Variants in LRP1B observed in about 807,000 individuals in gnomAD.
LRP1B encodes low-density lipoprotein receptor-related protein 1B.
In LRP1B, 217 loss-of-function variants were observed where a neutral mutation model predicts 556.6. The ratio of observed to expected loss-of-function variants is 0.39; its 90% CI spans 0.35 to 0.44. LRP1B has a LOEUF of 0.44. Among genes scored for constraint, LRP1B ranks in the 20% least tolerant of loss-of-function variants. LRP1B has a pLI of 1.00. For missense variants in LRP1B, 5,053 were observed against 5,620.8 expected (o/e 0.90, Z 3.23); for synonymous variants, 2,047 against 1,865.8 (o/e 1.10, Z -2.50).
At chr2:141,572,782 G>A (rs1010170621) in intron 2 of LRP1B, among the ~76,000 whole-genome samples, 6 of 152,000 alleles carry the variant, frequency 3.9e-5, no homozygotes, top group Non-Finnish European at 8.8e-5. Context: ...AACAAAAAAA[G>A]CAGGGGTTGC....
intron 3 of LRP1B, among the ~76,000 whole-genome samples, chr2:141,271,774 A>C (rs1685101537): frequency 6.6e-6 from 1 of 151,216 alleles, no homozygotes; most frequent in Admixed American, 6.6e-5. Flanking sequence ...ACCATATGAA[A>C]AAAAAAAAAA....
In LRP1B at chr2:141,590,976, T is replaced by C. The variant is rs563778303; in HGVS notation, c.206-110443A>G. Among the ~76,000 whole-genome samples the C allele has an allele frequency of 6.6e-5, 10 of 152,318 alleles. No homozygotes were observed. The South Asian group carries it at 2.1e-3, about 32-fold the overall frequency. ...AAAGTCTTTGACAAGTTTTCCTCTT[T>C]CTTTGCCTCCTTGGCTGTTTTTGAA... is the stretch of plus-strand genomic sequence containing the variant. On this transcript the variant is annotated intron_variant, in intron 2 of 90. Coordinates refer to ENST00000389484, the MANE Select transcript of LRP1B (RefSeq NM_018557.3).
rs1684474250 is a variant in LRP1B at position 140,315,327 on chromosome 2, A to G, written c.12641-228T>C. ...AATGTGTATTCTTCTTTAAATTTAA[A>G]GCATTATTAACCTTTTCTTGTATTT... is the stretch of plus-strand genomic sequence containing the variant. On this transcript the variant is annotated intron_variant, in intron 82 of 90. Coordinates refer to ENST00000389484, the MANE Select transcript of LRP1B (RefSeq NM_018557.3). Among the ~76,000 whole-genome samples the G allele has an allele frequency of 3.9e-5, 6 of 152,246 alleles. No individual in the cohort carries two copies. The South Asian group carries it at 1.0e-3, about 26-fold the overall frequency.
chr2:140,356,641 T>C (rs1256074352), intron 74 of LRP1B, among the ~76,000 whole-genome samples, 165 bp from the exon 75 acceptor site: 4 of 151,840 alleles, frequency 2.6e-5, no homozygotes, highest in African/African-American at 9.7e-5. Flanking sequence ...GTCTTATAAA[T>C]GTATAGAAGT....
rs529308032 is a variant in LRP1B at position 141,293,008 on chromosome 2, G to A, written c.344-38367C>T. 9.4e-4 allele frequency among the ~76,000 whole-genome samples: 143 copies of A among 152,162 alleles called. 1 individual carries two copies. The highest frequency in any genetic ancestry group is 1.7e-3 in the Non-Finnish European group (115 of 67,938). On this transcript the variant is annotated intron_variant, in intron 3 of 90. Transcript: ENST00000389484. The stretch of plus-strand genomic sequence containing the variant: ...GGAATGGAATATATGGATATTCTAC[G>A]TACTATCTTCTCAATTTTCCTCCTT...
intron 82 of LRP1B, among the ~76,000 whole-genome samples, chr2:140,319,003 C>T (rs78473479): frequency 0.021 from 3,206 of 152,064 alleles, 41 homozygotes; most frequent in African/African-American, 0.028. Context: ...GACCAAGGGA[C>T]GCAGGTATAG....
intron 32 of LRP1B, among the ~76,000 whole-genome samples, chr2:140,790,244 T>C (rs2104984307): frequency 6.6e-6 from 1 of 152,238 alleles, no homozygotes; most frequent in South Asian, 2.1e-4. Flanking sequence ...CTGCTCAATA[T>C]TCTGGTGGAA....
intron 60 of LRP1B, among the ~76,000 whole-genome samples, chr2:140,460,562 C>A (rs1362711273): frequency 6.6e-6 from 1 of 151,950 alleles, no homozygotes; most frequent in Non-Finnish European, 1.5e-5. Flanking sequence ...CTGCAGTTGT[C>A]TATATAAAAC....
chr2:141,472,614 T>C (rs1002835311), intron 3 of LRP1B, among the ~76,000 whole-genome samples: 2 of 152,142 alleles, frequency 1.3e-5, no homozygotes, highest in Admixed American at 6.6e-5. Context: ...TGAAGATCCA[T>C]AATGCACCAG....
chr2:141,277,598 A>C (rs2105380610), intron 3 of LRP1B, among the ~76,000 whole-genome samples: 1 of 152,262 alleles, frequency 6.6e-6, no homozygotes, highest in Non-Finnish European at 1.5e-5. Flanking sequence ...AATAAAAGAT[A>C]GCAGATTATA....
intron 10 of LRP1B, among the ~76,000 whole-genome samples, chr2:141,050,778 A>C (rs1699014369): frequency 6.6e-6 from 1 of 152,160 alleles, no homozygotes; most frequent in Non-Finnish European, 1.5e-5. Flanking sequence ...CAAAGTTGGC[A>C]AATGGGATCT....
chr2:141,678,691 T>TAG (rs1198641976), intron 2 of LRP1B, among the ~76,000 whole-genome samples: 18 of 152,218 alleles, frequency 1.2e-4, no homozygotes, highest in Non-Finnish European at 2.6e-4. Context: ...AAAACAAACA[T>TAG]TATTCAACAG....
intron 32 of LRP1B, among the ~76,000 whole-genome samples, chr2:140,789,010 G>A (rs528216209): frequency 6.6e-5 from 10 of 152,150 alleles, no homozygotes; most frequent in South Asian, 2.1e-4. Context: ...CCTTGATTTC[G>A]GATTTCTAAG....
chr2:140,913,818 A>T (rs899936096), intron 21 of LRP1B, among the ~76,000 whole-genome samples: 3 of 152,092 alleles, frequency 2.0e-5, no homozygotes, highest in Non-Finnish European at 4.4e-5. Flanking sequence ...ATATACATAG[A>T]ACCATGTATA....
chr2:141,310,742 C>T (rs1228077723), intron 3 of LRP1B, among the ~76,000 whole-genome samples: 2 of 151,910 alleles, frequency 1.3e-5, no homozygotes, highest in Non-Finnish European at 2.9e-5. Flanking sequence ...TAAAATAAGA[C>T]GATGCAAATT....
At chr2:140,449,260 TTAGAGTATTTA>T (rs1156708654) in intron 63 of LRP1B, among the ~76,000 whole-genome samples, 1 of 152,102 alleles carries the variant, frequency 6.6e-6, no homozygotes, top group Non-Finnish European at 1.5e-5. Flanking sequence ...TAAGTTGCAT[TTAGAGTATTTA>T]CTGTTATCAT....
chr2:140,236,939 GT>G (rs61093760), intron 89 of LRP1B, among the ~76,000 whole-genome samples: 6,974 of 150,934 alleles, frequency 0.046, 184 homozygotes, highest in Middle Eastern at 0.068. Flanking sequence ...GTTTTGTTAT[GT>G]TTTTATACAT....
chr2:140,473,052 C>T (rs528860165), intron 60 of LRP1B, among the ~76,000 whole-genome samples: 72 of 152,202 alleles, frequency 4.7e-4, no homozygotes, highest in African/African-American at 1.3e-3. Flanking sequence ...ACCATAGCAT[C>T]CTTTGTCTTT....
At chr2:140,784,640 A>G (rs1689832137) in intron 32 of LRP1B, among the ~76,000 whole-genome samples, 1 of 152,012 alleles carries the variant, frequency 6.6e-6, no homozygotes, top group Admixed American at 6.6e-5. Context: ...AGAAAACAAT[A>G]CAGAATAAAA....
Sources: gnomAD v4.1 joint callset for allele counts (sites outside exome capture counted in the v4.1 genomes callset) on GRCh38, gnomAD v4.1.1 for gene constraint, MANE v1.5 for transcripts, NCBI Gene and HGNC (gene_info 2026-07-23, HGNC 2026-07-21) for gene names.